The following SMARCD3 variants were observed in gnomAD, a reference collection of about 807,000 sequenced individuals.
SMARCD3 encodes SWI/SNF-related matrix-associated actin-dependent regulator of chromatin subfamily D member 3.
In SMARCD3, 14 loss-of-function variants were observed where a neutral mutation model predicts 58.0. The observed-to-expected ratio is 0.24, with a 90% confidence interval of 0.16 to 0.38. SMARCD3 has a LOEUF of 0.38. Ranked by LOEUF, SMARCD3 falls within the 10% of genes least tolerant of loss-of-function variation. The probability of loss-of-function intolerance (pLI) is 1.00; values close to 1 mark genes in which losing one functional copy is unlikely to be tolerated. For missense variants in SMARCD3, 408 were observed against 636.9 expected, an observed-to-expected ratio of 0.64 and a Z score of 3.87; for synonymous variants, 253 against 253.8, an observed-to-expected ratio of 1.00 and a Z score of 0.03.
Position 151,241,723 on chromosome 7 carries a change from A to G in SMARCD3, c.778-70T>C. The G allele has an allele frequency of 2.7e-6, 4 of 1,465,642 alleles. No homozygotes were observed. The highest frequency in any genetic ancestry group is 3.8e-6 in the Non-Finnish European group (4 of 1,061,336). The allele number at this position is 1,465,642 out of a possible 1,614,324, so 90.8% of individuals were successfully genotyped here. On this transcript the variant is annotated intron_variant, in intron 7 of 12. Coordinates refer to ENST00000262188, the MANE Select transcript of SMARCD3 (RefSeq NM_001003801.2). This position sits in a 1 kb window ranked among gnomAD's most constrained non-coding sequence, Gnocchi z 5.3. ...GAAGGAGCCCAGGGCCAGGCCATTC[A>G]GGACTAGGGGGATGTGTTGATTGAG...
chr7:151,245,604 G>T lies in SMARCD3; in HGVS notation c.146C>A (p.Pro49Gln), dbSNP rs1009526741. 26 of 1,177,788 alleles carry T rather than the reference G, an allele frequency of 2.2e-5. No homozygotes were observed. The highest frequency in any genetic ancestry group is 3.2e-5 in the African/African-American group (2 of 63,332). 73.0% of individuals were successfully genotyped at this position (1,177,788 alleles called of 1,614,324 possible). The change falls in exon 2 of 13, where the codon CCG (proline) becomes CAG (glutamine). Residue 49 changes from proline to glutamine, a missense_variant. Physicochemically the swap from Pro to Gln is moderately conservative, Grantham distance 76. Around this residue, in one of 4 missense-constraint regions of SMARCD3, gnomAD observed 84 missense variants for 81.2 expected, o/e 1.03. Transcript: ENST00000262188. The surrounding 1 kb of genome is among the most constrained non-coding windows in gnomAD (Gnocchi z 6.2). ...QGAPMGPPGS[P>Q]YMGSPAVRPG... ...TCGCACGGCGGGGCTGCCCATGTAC[G>T]GGGAGCCCGGGGGGCCCATGGGCGC...
intron 2 of SMARCD3, among the ~76,000 whole-genome samples, chr7:151,267,012 G>A (rs1468827705): frequency 6.6e-6 from 1 of 152,146 alleles, no homozygotes; most frequent in Non-Finnish European, 1.5e-5. Context: ...GCACCCAGCT[G>A]GTGGTATTTA....
At chr7:151,269,316 G>A (rs937396200) in intron 2 of SMARCD3, among the ~76,000 whole-genome samples, 6 of 152,116 alleles carry the variant, frequency 3.9e-5, no homozygotes, top group African/African-American at 9.7e-5. Context: ...GACACCTTCC[G>A]ACCCACCAGC....
chr7:151,253,411 C>G (rs943224540), upstream of SMARCD3, among the ~76,000 whole-genome samples: 3 of 152,188 alleles, frequency 2.0e-5, no homozygotes, highest in African/African-American at 7.2e-5. Context: ...GCAGGGTGGG[C>G]CTTACCTTGG....
At chr7:151,271,194 A>G (rs1584898985) in intron 2 of SMARCD3, among the ~76,000 whole-genome samples, 3 of 152,106 alleles carry the variant, frequency 2.0e-5, no homozygotes, top group South Asian at 4.1e-4. Flanking sequence ...GAGGGCCTGC[A>G]CCAGCCGCAC....
In SMARCD3 at chr7:151,239,115, C is replaced by G. The variant is rs200505047; in HGVS notation, c.1440G>C (p.Val480=). The change falls in exon 13 of 13, where the codon GTG becomes GTC. Residue 480 remains valine (V), a synonymous_variant. Transcript: ENST00000262188. The surrounding 1 kb of genome is among the most constrained non-coding windows in gnomAD (Gnocchi z 7.0). ...RRQELEQSLV[V]RNT Reference sequence around the variant, plus strand: ...TATTTTTGGGCTCCTAGGTGTTGCGCACAACCAGCGACTGCTCCAGCTCCT... The same window carrying G: ...TATTTTTGGGCTCCTAGGTGTTGCGGACAACCAGCGACTGCTCCAGCTCCT... The G allele has an allele frequency of 6.2e-7, 1 of 1,614,140 alleles. No homozygotes were observed. Among genetic ancestry groups the G allele is most frequent in the East Asian group, 2.2e-5 (1 of 44,884 alleles).
upstream of SMARCD3, chr7:151,248,921 C>A: frequency 6.4e-6 from 1 of 156,268 alleles, no homozygotes; most frequent in South Asian, 1.8e-4. The surrounding 1 kb of genome is among the most constrained non-coding windows in gnomAD (Gnocchi z 6.1). Flanking sequence ...CCGACCAGCC[C>A]GGCCGCGGGC....
intron 2 of SMARCD3, among the ~76,000 whole-genome samples, chr7:151,267,813 G>A (rs538518840): frequency 8.5e-5 from 13 of 152,134 alleles, no homozygotes; most frequent in African/African-American, 2.4e-4. Flanking sequence ...TCCTCTCTAC[G>A]AAAATTTAAA....
At chr7:151,258,473 G>A (rs1584887479) in intron 2 of SMARCD3, among the ~76,000 whole-genome samples, 1 of 150,624 alleles carries the variant, frequency 6.6e-6, no homozygotes, top group Admixed American at 6.7e-5. Flanking sequence ...GCTGAGGCAG[G>A]AGAATCGCTT....
At position 151,242,909 on chromosome 7, in the gene SMARCD3, C is replaced by A; in HGVS notation, c.334-66G>T. 6.3e-7 allele frequency: 1 copy of A among 1,581,204 alleles called. No individual in the cohort carries two copies. Among genetic ancestry groups the A allele is most frequent in the Non-Finnish European group, 8.6e-7 (1 of 1,162,382 alleles). On this transcript the variant is annotated intron_variant, in intron 3 of 12. Transcript: ENST00000262188. This position sits in a 1 kb window ranked among gnomAD's most constrained non-coding sequence, Gnocchi z 4.7. ...CCAGGGTTGTACCATGGAATGTATGCATGTTGTGCAATCCTAGGGTACAAA... is the reference window on the plus strand; with the variant it reads ...CCAGGGTTGTACCATGGAATGTATGAATGTTGTGCAATCCTAGGGTACAAA...
intron 2 of SMARCD3, among the ~76,000 whole-genome samples, chr7:151,273,005 G>T (rs909047673): frequency 1.3e-5 from 2 of 152,190 alleles, no homozygotes; most frequent in Non-Finnish European, 2.9e-5. Flanking sequence ...GCACTCACTT[G>T]CAGTCACACC....
At chr7:151,262,312 G>A (rs1327093710) in intron 2 of SMARCD3, among the ~76,000 whole-genome samples, 3 of 152,166 alleles carry the variant, frequency 2.0e-5, no homozygotes, top group African/African-American at 7.2e-5. Flanking sequence ...CAACTCCTGG[G>A]CTCAAGGAAT....
At chr7:151,276,457 G>GAA (rs1795345721) in intron 1 of SMARCD3, among the ~76,000 whole-genome samples, 1 of 146,184 alleles carries the variant, frequency 6.8e-6, no homozygotes, top group African/African-American at 2.5e-5. Flanking sequence ...CCAGGCAGGA[G>GAA]GGTGCCAGAC....
At chr7:151,273,352 G>C (rs371463525) in intron 2 of SMARCD3, among the ~76,000 whole-genome samples, 2 of 152,200 alleles carry the variant, frequency 1.3e-5, no homozygotes, top group South Asian at 2.1e-4. Context: ...ACAGCCCAAG[G>C]CTCCCTCCGA....
intron 2 of SMARCD3, among the ~76,000 whole-genome samples, chr7:151,271,840 T>C (rs1795183813): frequency 6.6e-6 from 1 of 152,098 alleles, no homozygotes; most frequent in Non-Finnish European, 1.5e-5. Context: ...CTTACGCTTG[T>C]AGTCCCAGTT....
At chr7:151,270,423 CTCAT>C (rs1795140512) in intron 2 of SMARCD3, among the ~76,000 whole-genome samples, 1 of 152,186 alleles carries the variant, frequency 6.6e-6, no homozygotes. Context: ...CACACATTTG[CTCAT>C]TCATTCAAGA....
At chr7:151,250,856 T>C (rs1442653640), upstream of SMARCD3, among the ~76,000 whole-genome samples, 1 of 151,990 alleles carries the variant, frequency 6.6e-6, no homozygotes, top group Non-Finnish European at 1.5e-5. Flanking sequence ...TTGCAAAGCT[T>C]AATGAGCCAA....
chr7:151,251,623 G>A (rs1803513416), upstream of SMARCD3, among the ~76,000 whole-genome samples: 1 of 152,110 alleles, frequency 6.6e-6, no homozygotes, highest in Non-Finnish European at 1.5e-5. Flanking sequence ...TCCTGCGGGT[G>A]GGAAGGAGGC....
At chr7:151,259,601 G>GTTTTTTTGTTTTTTTT (rs1563682311) in intron 2 of SMARCD3, among the ~76,000 whole-genome samples, 5 of 70,532 alleles carry the variant, frequency 7.1e-5, no homozygotes, top group Non-Finnish European at 1.3e-4. Flanking sequence ...CAACCTGAGA[G>GTTTTTTTGTTTTTTTT]TTTTTTTTTT....
Sources: allele counts gnomAD v4.1 joint callset (sites outside exome capture counted in the v4.1 genomes callset), GRCh38; gene constraint gnomAD v4.1.1; regional missense constraint gnomAD v4.1.1; non-coding constraint Gnocchi (gnomAD v3.1); transcripts MANE v1.5; gene names NCBI Gene and HGNC (gene_info 2026-07-23, HGNC 2026-07-21).